Variants in ARHGAP42 observed in about 807,000 individuals in gnomAD.
ARHGAP42 encodes the protein Rho GTPase activating protein 42.
In ARHGAP42, 63 loss-of-function variants were observed where a neutral mutation model predicts 125.0. That is an observed-to-expected ratio of 0.50 (90% CI 0.41 to 0.62). The LOEUF (loss-of-function observed/expected upper bound fraction) is 0.62, where lower values mean the gene tolerates loss of function less well. Among genes scored for constraint, ARHGAP42 ranks in the 20% least tolerant of loss-of-function variants. The probability of loss-of-function intolerance (pLI) is 0.00; values close to 1 mark genes in which losing one functional copy is unlikely to be tolerated. For synonymous variants in ARHGAP42, 339 were observed against 351.0 expected, an observed-to-expected ratio of 0.97 and a Z score of 0.38; for missense variants, 766 against 1,024.2, an observed-to-expected ratio of 0.75 and a Z score of 3.44.
intron 3 of ARHGAP42, among the ~76,000 whole-genome samples, chr11:100,796,777 T>G (rs1301976285): frequency 6.7e-6 from 1 of 149,914 alleles, no homozygotes; most frequent in Non-Finnish European, 1.5e-5. Flanking sequence ...TCTTTTTTTT[T>G]TTTTTTTTTT....
At chr11:100,901,971 A>G (rs1374384738) in intron 4 of ARHGAP42, among the ~76,000 whole-genome samples, 1 of 152,224 alleles carries the variant, frequency 6.6e-6, no homozygotes, top group African/African-American at 2.4e-5. Flanking sequence ...CAGTGCAGAA[A>G]TCACCCATCT....
chr11:100,826,121 C>T (rs568325820), intron 3 of ARHGAP42, among the ~76,000 whole-genome samples: 1 of 152,088 alleles, frequency 6.6e-6, no homozygotes, highest in Admixed American at 6.6e-5. Context: ...CCTCACTTCT[C>T]CTTGAAAGTG....
chr11:100,848,629 G>A (rs187338695), intron 3 of ARHGAP42, among the ~76,000 whole-genome samples: 34 of 151,678 alleles, frequency 2.2e-4, no homozygotes, highest in Admixed American at 6.6e-4. Context: ...TCAGGCTCCC[G>A]AGTAGCTGGG....
chr11:100,899,788 A>T (rs1591279360), intron 4 of ARHGAP42, among the ~76,000 whole-genome samples: 1 of 134,222 alleles, frequency 7.5e-6, no homozygotes, highest in Non-Finnish European at 1.6e-5. Flanking sequence ...CTTTGTTTTG[A>T]GCCAGTGTAT....
intron 2 of ARHGAP42, among the ~76,000 whole-genome samples, chr11:100,793,738 G>A (rs1039745796): frequency 6.6e-6 from 1 of 152,060 alleles, no homozygotes; most frequent in African/African-American, 2.4e-5. Context: ...GATGTTTCCG[G>A]TATTAAGATG....
chr11:100,734,176 G>T (rs953185082), intron 1 of ARHGAP42, among the ~76,000 whole-genome samples: 3 of 151,310 alleles, frequency 2.0e-5, no homozygotes, highest in East Asian at 4.0e-4. Flanking sequence ...CTCATGATCC[G>T]CCCACCTCGG....
At chr11:100,851,107 C>T (rs1324596195) in intron 3 of ARHGAP42, among the ~76,000 whole-genome samples, 4 of 151,888 alleles carry the variant, frequency 2.6e-5, no homozygotes, top group African/African-American at 7.3e-5. Flanking sequence ...GTCTTAAACT[C>T]CTGACCTCAG....
chr11:100,919,696 C>A (rs1409688231), intron 5 of ARHGAP42, among the ~76,000 whole-genome samples: 1 of 152,084 alleles, frequency 6.6e-6, no homozygotes, highest in Non-Finnish European at 1.5e-5. Flanking sequence ...GCCACCATAT[C>A]CAGCCTGACA....
At chr11:100,926,442 C>A (rs1241166162) in intron 6 of ARHGAP42, among the ~76,000 whole-genome samples, 5 of 152,056 alleles carry the variant, frequency 3.3e-5, no homozygotes, top group African/African-American at 1.2e-4. Flanking sequence ...TTTGCTCTGG[C>A]CAAATAAAAT....
chr11:100,870,587 ATATGT>A (rs1865672817), intron 4 of ARHGAP42, among the ~76,000 whole-genome samples: 1 of 152,220 alleles, frequency 6.6e-6, no homozygotes, highest in Non-Finnish European at 1.5e-5. Flanking sequence ...TTTAGAAGCT[ATATGT>A]TATTTCTGCT....
At chr11:100,946,005 T>G (rs1448598767) in intron 10 of ARHGAP42, among the ~76,000 whole-genome samples, 2 of 152,140 alleles carry the variant, frequency 1.3e-5, no homozygotes, top group African/African-American at 2.4e-5. Context: ...ATCTGTTGTT[T>G]ACTGTAGCCA....
chr11:100,812,799 G>T (rs1249005537), intron 3 of ARHGAP42, among the ~76,000 whole-genome samples: 3 of 152,208 alleles, frequency 2.0e-5, no homozygotes, highest in Non-Finnish European at 4.4e-5. Context: ...AAGTGTGGTT[G>T]ATTGGGCGGG....
chr11:100,721,469 C>T (rs926491740), intron 1 of ARHGAP42, among the ~76,000 whole-genome samples: 1 of 140,548 alleles, frequency 7.1e-6, no homozygotes, highest in Non-Finnish European at 1.6e-5. Context: ...TAGCTTATTT[C>T]TTTTCTTTTC....
intron 3 of ARHGAP42, among the ~76,000 whole-genome samples, chr11:100,841,061 C>T (rs1417175768): frequency 6.6e-6 from 1 of 152,074 alleles, no homozygotes; most frequent in Non-Finnish European, 1.5e-5. Flanking sequence ...ATAGGTGTGC[C>T]ATGAAATACG....
chr11:100,732,876 A>G (rs1036284492), intron 1 of ARHGAP42, among the ~76,000 whole-genome samples: 25 of 152,250 alleles, frequency 1.6e-4, no homozygotes, highest in African/African-American at 5.8e-4. Flanking sequence ...ATCTTGAGAT[A>G]CTTTTTATAC....
chr11:100,954,696 T>C (rs1428705529), intron 12 of ARHGAP42, among the ~76,000 whole-genome samples: 1 of 152,080 alleles, frequency 6.6e-6, no homozygotes, highest in Non-Finnish European at 1.5e-5. Context: ...CAGTTTTGTT[T>C]TTATCACAGA....
chr11:100,812,962 G>A (rs534262641), intron 3 of ARHGAP42, among the ~76,000 whole-genome samples: 45 of 152,184 alleles, frequency 3.0e-4, no homozygotes, highest in Admixed American at 5.2e-4. Context: ...GGACAAGACT[G>A]TGTGCTGAGC....
rs142029005 is a variant in ARHGAP42 at position 100,863,985 on chromosome 11, A to G, written c.384+4360A>G. Among the ~76,000 whole-genome samples the G allele has an allele frequency of 4.3e-3, 661 of 152,310 alleles. 4 individuals carry two copies. The highest frequency in any genetic ancestry group is 0.012 in the South Asian group (59 of 4,824). On this transcript the variant is annotated intron_variant, in intron 4 of 23. Transcript: ENST00000298815. The stretch of plus-strand genomic sequence containing the variant: ...CTGCAATTACTTTTGCATCAACCAA[A>G]TAATATAGAGTGAGATGAATCACAA...
intron 3 of ARHGAP42, among the ~76,000 whole-genome samples, chr11:100,805,274 ACT>A (rs1305613077): frequency 2.6e-5 from 4 of 152,022 alleles, no homozygotes; most frequent in East Asian, 1.9e-4. Context: ...ACAAATTAAG[ACT>A]CTATTTCAAT....
Sources: gnomAD v4.1 joint callset for allele counts (sites outside exome capture counted in the v4.1 genomes callset) on GRCh38, gnomAD v4.1.1 for gene constraint, MANE v1.5 for transcripts, NCBI Gene and HGNC (gene_info 2026-07-23, HGNC 2026-07-21) for gene names.